NUDT3: variants seen among roughly 807,000 people sequenced by gnomAD.
NUDT3 encodes diphosphoinositol polyphosphate phosphohydrolase 1.
Under a neutral mutation model 23.6 loss-of-function variants are expected in NUDT3, and 9 were observed. The observed-to-expected ratio is 0.38, with a 90% CI of 0.23 to 0.66. NUDT3 has a LOEUF of 0.66. NUDT3 is among the 30% of genes least tolerant of loss of function. The pLI is 0.52. For missense variants in NUDT3, 172 were observed against 218.5 expected (o/e 0.79, Z 1.34); for synonymous variants, 86 against 82.6 (o/e 1.04, Z -0.22).
chr6:34,376,033 T>G lies in NUDT3; in HGVS notation c.99+16231A>C, dbSNP rs192406145. Among the ~76,000 whole-genome samples, 395 of 152,260 alleles carry G rather than the reference T, an allele frequency of 2.6e-3. 5 individuals carry two copies. The highest frequency in any genetic ancestry group is 1.9e-3 in the Non-Finnish European group (128 of 68,006). On this transcript the variant is annotated intron_variant, in intron 1 of 4. Transcript: ENST00000607016. ...TCTCCCTCTCCAAGGTCCCTGACAC[T>G]CCACACTGTATCTATAGTCCTAACT...
intron 2 of NUDT3, among the ~76,000 whole-genome samples, chr6:34,310,953 AG>A (rs1763761403): frequency 6.6e-6 from 1 of 152,118 alleles, no homozygotes; most frequent in Admixed American, 6.6e-5. Flanking sequence ...TCATGATAAA[AG>A]AAACTCTCAA....
rs542488072 is a variant in NUDT3 at position 34,339,447 on chromosome 6, T to C, written c.210+2415A>G. On this transcript the variant is annotated intron_variant, in intron 2 of 4. Coordinates refer to ENST00000607016, the MANE Select transcript of NUDT3 (RefSeq NM_006703.4). Reference sequence around the variant, plus strand: ...GTAACAATTCAATACTCTACTGCAGTAGTATCTCAAAATCACCAGAGGTCC... The same window carrying C: ...GTAACAATTCAATACTCTACTGCAGCAGTATCTCAAAATCACCAGAGGTCC... 9.8e-5 allele frequency among the ~76,000 whole-genome samples: 15 copies of C among 152,336 alleles called. No homozygotes were observed. In the East Asian group the frequency reaches 2.3e-3, roughly 23 times the overall value.
intron 2 of NUDT3, among the ~76,000 whole-genome samples, chr6:34,325,699 T>C (rs1474246096): frequency 6.6e-6 from 1 of 152,196 alleles, no homozygotes; most frequent in Non-Finnish European, 1.5e-5. Context: ...AAAGAATAAA[T>C]TATCAGAATA....
Position 34,284,662 on chromosome 6 carries a change from T to C in NUDT3, c.*4091A>G, listed in dbSNP as rs1763314274. 3 of 152,088 alleles carry C rather than the reference T, an allele frequency of 2.0e-5. No homozygotes were observed. The highest frequency in any genetic ancestry group is 1.3e-4 in the Admixed American group (2 of 15,272). 9.4% of individuals were successfully genotyped at this position (152,088 alleles called of 1,614,324 possible). A position where few individuals can be genotyped will look rare whatever the true frequency, so the allele number is the denominator to read the frequency against. On this transcript the variant is annotated 3_prime_UTR_variant, in exon 5 of 5. Coordinates refer to ENST00000607016, the MANE Select transcript of NUDT3 (RefSeq NM_006703.4). ...TACACTCAGGTCTAACAAATACCTA[T>C]TATTTCTCTGGTTAAGAAGGTTTAG...
intron 1 of NUDT3, among the ~76,000 whole-genome samples, chr6:34,375,417 C>A (rs902922034): frequency 4.6e-5 from 7 of 152,108 alleles, no homozygotes; most frequent in Admixed American, 3.3e-4. Context: ...CATAGTTTAT[C>A]CTCCGTGGAG....
chr6:34,299,108 G>C (rs1763558071), intron 2 of NUDT3, among the ~76,000 whole-genome samples: 1 of 152,202 alleles, frequency 6.6e-6, no homozygotes, highest in Non-Finnish European at 1.5e-5. Context: ...CAATCTGAGA[G>C]TGGGTTATTT....
intron 1 of NUDT3, among the ~76,000 whole-genome samples, chr6:34,377,812 G>A (rs564830900): frequency 1.6e-4 from 24 of 147,422 alleles, no homozygotes; most frequent in Non-Finnish European, 3.1e-4. Flanking sequence ...CAGCCTGGGT[G>A]ACAGAGGGAG....
intron 1 of NUDT3, among the ~76,000 whole-genome samples, chr6:34,380,234 T>C (rs1383413433): frequency 6.6e-6 from 1 of 152,054 alleles, no homozygotes; most frequent in Non-Finnish European, 1.5e-5. Flanking sequence ...GTATATTTAG[T>C]AGAGACAGGG....
At position 34,340,177 on chromosome 6, in the gene NUDT3, G is replaced by A. The variant is rs142705184; in HGVS notation, c.210+1685C>T. Among the ~76,000 whole-genome samples, 57 of 152,256 alleles carry A rather than the reference G, an allele frequency of 3.7e-4. No homozygotes were observed. In the East Asian group the frequency reaches 0.01, roughly 27 times the overall value. The stretch of plus-strand genomic sequence containing the variant: ...CTTGTCACTACAAGGAGACAAGCCC[G>A]CAAACAAAAGCCAAGGATGGCAGAA... On this transcript the variant is annotated intron_variant, in intron 2 of 4. Transcript: ENST00000607016.
At chr6:34,384,807 G>C (rs1202256530) in intron 1 of NUDT3, among the ~76,000 whole-genome samples, 1 of 152,082 alleles carries the variant, frequency 6.6e-6, no homozygotes, top group Admixed American at 6.6e-5. Context: ...TGAGGTGGGA[G>C]GATCGCTTGA....
intron 2 of NUDT3, among the ~76,000 whole-genome samples, chr6:34,305,535 T>C (rs1763667315): frequency 6.6e-6 from 1 of 152,222 alleles, no homozygotes; most frequent in Non-Finnish European, 1.5e-5. Flanking sequence ...ATTTCTATTT[T>C]TCTATTAATT....
chr6:34,308,116 T>C (rs1195964906), intron 2 of NUDT3, among the ~76,000 whole-genome samples: 1 of 43,156 alleles, frequency 2.3e-5, no homozygotes, highest in Non-Finnish European at 4.1e-5. Context: ...AGAAACTCTG[T>C]CTCAAAAAAA....
rs1763336572 is a variant in NUDT3, at chr6:34,286,567, AAC to A, written c.*2184_*2185del. 6.6e-6 allele frequency: 1 copy of A among 152,148 alleles called. No individual in the cohort carries two copies. Among genetic ancestry groups the A allele is most frequent in the Non-Finnish European group, 1.5e-5 (1 of 68,032 alleles). 9.4% of individuals were successfully genotyped at this position (152,148 alleles called of 1,614,324 possible). A position where few individuals can be genotyped will look rare whatever the true frequency, so the allele number is the denominator to read the frequency against. On this transcript the variant is annotated 3_prime_UTR_variant, in exon 5 of 5. Transcript: ENST00000607016. ...TAGAATGCTCTAGGTCAGGAAAAGA[AAC>A]AGTGTGTTCGTTTTTAAGAAGGATG...
In NUDT3 at chr6:34,295,789, A is replaced by G. The variant is rs1273033555; in HGVS notation, c.211-104T>C. 2.1e-6 allele frequency: 3 copies of G among 1,432,924 alleles called. No homozygotes were observed. In the East Asian group the frequency reaches 7.1e-5, roughly 34 times the overall value. The allele number at this position is 1,432,924 out of a possible 1,614,324, so 88.8% of individuals were successfully genotyped here. On this transcript the variant is annotated intron_variant, in intron 2 of 4. Transcript: ENST00000607016. Reference sequence around the variant, plus strand: ...TAAAATAGAAACAAAAAACAAGAGGACACAGCTTGGGCAGACTCCACGATC... The same window carrying G: ...TAAAATAGAAACAAAAAACAAGAGGGCACAGCTTGGGCAGACTCCACGATC...
chr6:34,348,987 G>C (rs1764426366), intron 1 of NUDT3, among the ~76,000 whole-genome samples: 1 of 151,904 alleles, frequency 6.6e-6, no homozygotes, highest in Non-Finnish European at 1.5e-5. Flanking sequence ...AGCCTCCCAA[G>C]TAACTGGGAC....
At chr6:34,359,463 G>GT (rs1561917973) in intron 1 of NUDT3, among the ~76,000 whole-genome samples, 1 of 152,116 alleles carries the variant, frequency 6.6e-6, no homozygotes, top group Non-Finnish European at 1.5e-5. Flanking sequence ...CCATCAATTT[G>GT]TTTTTTGTAT....
chr6:34,296,665 T>C (rs1280308672), intron 2 of NUDT3, among the ~76,000 whole-genome samples: 1 of 152,196 alleles, frequency 6.6e-6, no homozygotes, highest in African/African-American at 2.4e-5. Flanking sequence ...AAATGCCTAA[T>C]TTGAACCAGA....
At chr6:34,312,401 C>CAAA (rs71000050) in intron 2 of NUDT3, among the ~76,000 whole-genome samples, 5 of 97,218 alleles carry the variant, frequency 5.1e-5, no homozygotes, top group African/African-American at 1.9e-4. Flanking sequence ...GACTCATCAC[C>CAAA]AAAAAAAAAA....
chr6:34,310,686 T>C (rs1025386850), intron 2 of NUDT3, among the ~76,000 whole-genome samples: 2 of 152,162 alleles, frequency 1.3e-5, no homozygotes, highest in Non-Finnish European at 2.9e-5. Context: ...ACTTCCTAAC[T>C]TAGTCTATGA....
Sources: allele counts gnomAD v4.1 joint callset (sites outside exome capture counted in the v4.1 genomes callset), GRCh38; gene constraint gnomAD v4.1.1; transcripts MANE v1.5; gene names NCBI Gene and HGNC (gene_info 2026-07-23, HGNC 2026-07-21).